Variants in ADAMTS18 observed in about 807,000 individuals in gnomAD.
ADAMTS18 encodes the protein ADAM metallopeptidase with thrombospondin type 1 motif 18, also known as A disintegrin and metalloproteinase with thrombospondin motifs 18.
ADAMTS18 carries 157 observed loss-of-function variants against 165.9 expected under a neutral mutation model. The ratio of observed to expected loss-of-function variants is 0.95; its 90% CI spans 0.83 to 1.08. The LOEUF is 1.08. ADAMTS18 is among the 50% of genes least tolerant of loss of function. The pLI is 0.00. For synonymous variants in ADAMTS18, 782 were observed against 578.2 expected, an observed-to-expected ratio of 1.35 and a Z score of -5.06; for missense variants, 2,040 against 1,534.0, an observed-to-expected ratio of 1.33 and a Z score of -5.51.
At chr16:77,287,458 T>C (rs1240117640) in intron 22 of ADAMTS18, among the ~76,000 whole-genome samples, 1 of 152,086 alleles carries the variant, frequency 6.6e-6, no homozygotes. Context: ...AAAAGCCACC[T>C]GACTCAGCCA....
At chr16:77,386,598 A>C (rs2057111375) in intron 3 of ADAMTS18, among the ~76,000 whole-genome samples, 1 of 152,110 alleles carries the variant, frequency 6.6e-6, no homozygotes, top group Non-Finnish European at 1.5e-5. Context: ...TGCATCCCTC[A>C]TTATATTACT....
At chr16:77,284,123 C>CTTT (rs34369567) in intron 22 of ADAMTS18, 52 bp from the exon 23 acceptor site, 177 of 951,290 alleles carry the variant, frequency 1.9e-4, no homozygotes, top group East Asian at 2.5e-4. Flanking sequence ...TATCCTTTTT[C>CTTT]TTTTTTTTTT....
chr16:77,402,417 C>T (rs1349467367), intron 3 of ADAMTS18, among the ~76,000 whole-genome samples: 3 of 152,138 alleles, frequency 2.0e-5, no homozygotes, highest in Admixed American at 6.5e-5. Flanking sequence ...CACCCTTCTA[C>T]GTGTGTTAGG....
At chr16:77,314,230 C>G (rs1254848314) in intron 16 of ADAMTS18, among the ~76,000 whole-genome samples, 1 of 152,156 alleles carries the variant, frequency 6.6e-6, no homozygotes, top group African/African-American at 2.4e-5. Flanking sequence ...CAAGTATCTC[C>G]TGGGACTAGA....
At chr16:77,378,453 A>C (rs2056985272) in intron 3 of ADAMTS18, among the ~76,000 whole-genome samples, 1 of 151,812 alleles carries the variant, frequency 6.6e-6, no homozygotes, top group Non-Finnish European at 1.5e-5. Context: ...GGTAGCTCAC[A>C]CCTGTAATCC....
chr16:77,408,785 G>C (rs1178622561), intron 3 of ADAMTS18, among the ~76,000 whole-genome samples: 2 of 152,114 alleles, frequency 1.3e-5, no homozygotes, highest in Non-Finnish European at 2.9e-5. Context: ...TTGGTGGTTA[G>C]AGGAGTGTGG....
intron 3 of ADAMTS18, among the ~76,000 whole-genome samples, chr16:77,403,999 TCCTCCCTCCCTCCCTC>T (rs71137814): frequency 7.2e-6 from 1 of 139,714 alleles, no homozygotes; most frequent in East Asian, 2.1e-4. Context: ...AACCCACCCT[TCCTCCCTCCCTCCCTC>T]CCTCCCTCCC....
At chr16:77,394,685 T>C (rs1407828951) in intron 3 of ADAMTS18, among the ~76,000 whole-genome samples, 1 of 152,220 alleles carries the variant, frequency 6.6e-6, no homozygotes, top group Admixed American at 6.5e-5. Context: ...AAATTTGACT[T>C]ACCACGAAAA....
rs183546069 is a variant in ADAMTS18, at chr16:77,291,126, C to G, written c.3402+140G>C. ...ACCTGCCCAGGGCCAAAGAACAAAA[C>G]CCATTCTGCCTTCAGAACTTGAGCC... is the stretch of plus-strand genomic sequence containing the variant. On this transcript the variant is annotated intron_variant, in intron 21 of 22. Transcript: ENST00000282849. 29 of 915,798 alleles carry G rather than the reference C, an allele frequency of 3.2e-5. No individual in the cohort carries two copies. The Admixed American group carries it at 3.9e-4, about 12-fold the overall frequency. 56.7% of individuals were successfully genotyped at this position (915,798 alleles called of 1,614,324 possible). A position where few individuals can be genotyped will look rare whatever the true frequency, so the allele number is the denominator to read the frequency against.
Position 77,307,338 on chromosome 16 carries a change from T to C in ADAMTS18, c.2533-6934A>G, listed in dbSNP as rs569607473. Among the ~76,000 whole-genome samples the C allele has an allele frequency of 1.9e-3, 292 of 152,326 alleles. 2 individuals carry two copies. The highest frequency in any genetic ancestry group is 0.01 in the Middle Eastern group (3 of 294). ...TTCTTTGACTTATTTGCTTCAAAGC[T>C]GGAAGAACATGACCAGGTATCATCA... is the stretch of plus-strand genomic sequence containing the variant. On this transcript the variant is annotated intron_variant, in intron 16 of 22. Transcript: ENST00000282849.
intron 3 of ADAMTS18, among the ~76,000 whole-genome samples, chr16:77,378,352 A>ACC (rs1390487724): frequency 2.0e-5 from 1 of 51,174 alleles, no homozygotes; most frequent in South Asian, 5.6e-4. Context: ...AAAAAAAACA[A>ACC]AAAAAAAAAA....
chr16:77,317,610 T>C (rs1265781248), intron 16 of ADAMTS18, among the ~76,000 whole-genome samples: 1 of 152,200 alleles, frequency 6.6e-6, no homozygotes, highest in African/African-American at 2.4e-5. Flanking sequence ...TGTGTGGACA[T>C]TTTCACTATT....
At chr16:77,312,116 T>TGTC (rs1460605042) in intron 16 of ADAMTS18, among the ~76,000 whole-genome samples, 2 of 152,222 alleles carry the variant, frequency 1.3e-5, no homozygotes, top group African/African-American at 4.8e-5. Context: ...TTGTTGTTGT[T>TGTC]GTCACTCAAG....
chr16:77,289,734 CCTAGGGAGT>C (rs951020711), intron 21 of ADAMTS18, among the ~76,000 whole-genome samples: 1 of 152,132 alleles, frequency 6.6e-6, no homozygotes, highest in African/African-American at 2.4e-5. Flanking sequence ...TACAGACACA[CCTAGGGAGT>C]TAATCACAGG....
At chr16:77,288,547 C>T (rs1410030128) in intron 22 of ADAMTS18, among the ~76,000 whole-genome samples, 3 of 152,126 alleles carry the variant, frequency 2.0e-5, no homozygotes, top group African/African-American at 7.2e-5. Flanking sequence ...GTACTCACTG[C>T]ACTTCCCTTG....
intron 16 of ADAMTS18, among the ~76,000 whole-genome samples, chr16:77,309,842 T>C (rs115606034): frequency 0.01 from 1,539 of 152,304 alleles, 9 homozygotes; most frequent in African/African-American, 0.021. Flanking sequence ...GTAAGTCCAC[T>C]GTGAACTAAC....
chr16:77,302,399 C>T (rs1191678669), intron 16 of ADAMTS18, among the ~76,000 whole-genome samples: 5 of 151,890 alleles, frequency 3.3e-5, no homozygotes, highest in South Asian at 2.1e-4. Flanking sequence ...TGCACTGTAC[C>T]GTATTTACTT....
intron 3 of ADAMTS18, among the ~76,000 whole-genome samples, chr16:77,390,924 C>G (rs2057177960): frequency 6.6e-6 from 1 of 152,162 alleles, no homozygotes; most frequent in Non-Finnish European, 1.5e-5. Context: ...ACTAAACAGT[C>G]TGGAAAGTTC....
chr16:77,315,899 A>C (rs1024459664), intron 16 of ADAMTS18, among the ~76,000 whole-genome samples: 4 of 152,184 alleles, frequency 2.6e-5, no homozygotes, highest in African/African-American at 9.7e-5. Flanking sequence ...TGAATATCTA[A>C]GGTACATTGC....
Sources: allele counts gnomAD v4.1 joint callset (sites outside exome capture counted in the v4.1 genomes callset), GRCh38; gene constraint gnomAD v4.1.1; transcripts MANE v1.5; gene names NCBI Gene and HGNC (gene_info 2026-07-23, HGNC 2026-07-21).